The following PTPRM variants were observed in gnomAD, a reference collection of about 807,000 sequenced individuals.
PTPRM encodes protein tyrosine phosphatase receptor type M, also known as receptor-type tyrosine-protein phosphatase mu.
Under a neutral mutation model 186.7 loss-of-function variants are expected in PTPRM, and 47 were observed. That is an observed-to-expected ratio of 0.25 (90% confidence interval 0.20 to 0.32). The LOEUF is 0.32. PTPRM is among the 10% of genes least tolerant of loss of function. The probability of loss-of-function intolerance (pLI) is 1.00; values close to 1 mark genes in which losing one functional copy is unlikely to be tolerated. For synonymous variants in PTPRM, 668 were observed against 674.9 expected (o/e 0.99, Z 0.16); for missense variants, 1,494 against 1,865.0 (o/e 0.80, Z 3.66).
At chr18:8,048,835 T>G (rs1367471682) in intron 7 of PTPRM, among the ~76,000 whole-genome samples, 1 of 152,248 alleles carries the variant, frequency 6.6e-6, no homozygotes, top group African/African-American at 2.4e-5. Context: ...TGGGCAAAAC[T>G]GAAATTGTAT....
Position 7,941,401 on chromosome 18 carries a change from T to C in PTPRM, c.664-7780T>C, listed in dbSNP as rs74954510. ...ACAAAAACCTGCTCCACAATTGTTA[T>C]GTATGTTTTAATGATGAAGATGATG... On this transcript the variant is annotated intron_variant, in intron 5 of 32. Coordinates refer to ENST00000580170, the MANE Select transcript of PTPRM (RefSeq NM_001105244.2). Among the ~76,000 whole-genome samples, 341 of 152,370 alleles carry C rather than the reference T, an allele frequency of 2.2e-3. 2 individuals are homozygous for C. Among genetic ancestry groups the C allele is most frequent in the African/African-American group, 8.1e-3 (337 of 41,590 alleles).
At chr18:7,750,938 A>T (rs888344769) in intron 1 of PTPRM, 1 of 151,612 alleles carries the variant, frequency 6.6e-6, no homozygotes, top group African/African-American at 2.4e-5. Flanking sequence ...CTATGCACCA[A>T]ATGGCTCCAG....
chr18:8,120,682 G>T (rs2092138696), intron 13 of PTPRM, among the ~76,000 whole-genome samples: 1 of 151,882 alleles, frequency 6.6e-6, no homozygotes, highest in Non-Finnish European at 1.5e-5. Context: ...TTTTTTTAGA[G>T]ATGGGGTTTC....
At chr18:7,713,103 T>C (rs1288197916) in intron 1 of PTPRM, among the ~76,000 whole-genome samples, 2 of 152,114 alleles carry the variant, frequency 1.3e-5, no homozygotes, top group Non-Finnish European at 2.9e-5. Flanking sequence ...GGATAAAATG[T>C]TAAGGGAAGC....
chr18:8,031,585 C>T (rs1192491213), intron 7 of PTPRM, among the ~76,000 whole-genome samples: 1 of 152,102 alleles, frequency 6.6e-6, no homozygotes, highest in Non-Finnish European at 1.5e-5. Context: ...TACAGAAAGA[C>T]ATTGAGGTAG....
intron 19 of PTPRM, among the ~76,000 whole-genome samples, chr18:8,266,345 G>A (rs8093700): frequency 0.2 from 26,198 of 128,910 alleles, 2,494 homozygotes; most frequent in South Asian, 0.3. Flanking sequence ...GCTCTTCACT[G>A]TAAACCTTGC....
intron 1 of PTPRM, among the ~76,000 whole-genome samples, chr18:7,620,525 A>G (rs2037912742): frequency 6.6e-6 from 1 of 152,218 alleles, no homozygotes; most frequent in South Asian, 2.1e-4. Context: ...TCATCAAGCC[A>G]GAGCTGGGCG....
chr18:7,615,401 C>G (rs1206572653), intron 1 of PTPRM, among the ~76,000 whole-genome samples: 1 of 152,096 alleles, frequency 6.6e-6, no homozygotes, highest in Non-Finnish European at 1.5e-5. Flanking sequence ...TCACTCGCCC[C>G]TTTCTCTTTG....
intron 24 of PTPRM, among the ~76,000 whole-genome samples, chr18:8,371,351 G>A (rs1324459898): frequency 6.6e-6 from 1 of 152,100 alleles, no homozygotes; most frequent in Non-Finnish European, 1.5e-5. Context: ...CTTCCAGTTT[G>A]GTAAATTTCC....
At chr18:7,837,464 T>C (rs968572217) in intron 2 of PTPRM, among the ~76,000 whole-genome samples, 1 of 151,442 alleles carries the variant, frequency 6.6e-6, no homozygotes, top group Non-Finnish European at 1.5e-5. Flanking sequence ...CAAAACACAT[T>C]TTTTTTTTGA....
intron 22 of PTPRM, among the ~76,000 whole-genome samples, chr18:8,335,767 A>G (rs995264555): frequency 1.3e-5 from 2 of 152,182 alleles, no homozygotes; most frequent in African/African-American, 4.8e-5. Context: ...CACGCCTGTA[A>G]TCCCAGCACT....
chr18:8,219,356 A>G (rs1162914422), intron 14 of PTPRM, among the ~76,000 whole-genome samples: 3 of 151,860 alleles, frequency 2.0e-5, no homozygotes, highest in Non-Finnish European at 2.9e-5. Flanking sequence ...AGTCCCAGCT[A>G]CTCGGGAGGC....
intron 1 of PTPRM, among the ~76,000 whole-genome samples, chr18:7,728,358 G>A (rs1381525299): frequency 1.3e-5 from 2 of 152,114 alleles, no homozygotes; most frequent in African/African-American, 4.8e-5. Flanking sequence ...ACCTCTAAAG[G>A]AAAGCTCTCA....
At chr18:7,934,012 GTCCT>G (rs1236303107) in intron 5 of PTPRM, among the ~76,000 whole-genome samples, 3 of 152,106 alleles carry the variant, frequency 2.0e-5, no homozygotes, top group Non-Finnish European at 2.9e-5. Context: ...TGAAACTTCT[GTCCT>G]AATTCTTCCT....
At chr18:8,194,914 T>C (rs1372753808) in intron 14 of PTPRM, among the ~76,000 whole-genome samples, 4 of 152,266 alleles carry the variant, frequency 2.6e-5, no homozygotes, top group African/African-American at 9.6e-5. Context: ...TTGTAAGGAT[T>C]GGGCATACAA....
At chr18:7,864,438 A>G (rs1345495296) in intron 2 of PTPRM, among the ~76,000 whole-genome samples, 2 of 152,224 alleles carry the variant, frequency 1.3e-5, no homozygotes, top group East Asian at 1.9e-4. Flanking sequence ...CCCCAACACC[A>G]TTTATTAAAT....
At chr18:8,037,371 T>C (rs2086399531) in intron 7 of PTPRM, among the ~76,000 whole-genome samples, 1 of 152,202 alleles carries the variant, frequency 6.6e-6, no homozygotes, top group Non-Finnish European at 1.5e-5. Context: ...GATAATGGCT[T>C]CTTTAGATGT....
rs139411480 is a variant in PTPRM, at chr18:8,008,629, CTT to C, written c.1132+53217_1132+53218del. 3.8e-4 allele frequency among the ~76,000 whole-genome samples: 58 copies of C among 152,204 alleles called. No homozygotes were observed. In the East Asian group the frequency reaches 9.5e-3, roughly 25 times the overall value. ...CAGAGACAAAATAATGAATTGTTCTCTTTGACTTCCTGTAGCTTTGGATGTGA... is the reference window on the plus strand; with the variant it reads ...CAGAGACAAAATAATGAATTGTTCTCTGACTTCCTGTAGCTTTGGATGTGA... On this transcript the variant is annotated intron_variant, in intron 7 of 32. Coordinates refer to ENST00000580170, the MANE Select transcript of PTPRM (RefSeq NM_001105244.2).
At chr18:7,757,952 C>T (rs2041584724) in intron 1 of PTPRM, among the ~76,000 whole-genome samples, 1 of 152,096 alleles carries the variant, frequency 6.6e-6, no homozygotes, top group Non-Finnish European at 1.5e-5. Flanking sequence ...AAATTAAGTG[C>T]ATGCCATAGC....
Sources: allele counts gnomAD v4.1 joint callset (sites outside exome capture counted in the v4.1 genomes callset), GRCh38; gene constraint gnomAD v4.1.1; transcripts MANE v1.5; gene names NCBI Gene and HGNC (gene_info 2026-07-23, HGNC 2026-07-21).